The following SKI variants were observed in gnomAD, a reference collection of about 807,000 sequenced individuals.
SKI encodes the protein SKI proto-oncogene.
Under a neutral mutation model 59.3 loss-of-function variants are expected in SKI, and 23 were observed. The observed-to-expected ratio is 0.39, with a 90% CI of 0.28 to 0.55. The LOEUF is 0.55. SKI is among the 20% of genes least tolerant of loss of function. The pLI is 0.67. For synonymous variants in SKI, 673 were observed against 488.6 expected (o/e 1.38, Z -4.98); for missense variants, 1,017 against 1,038.9 (o/e 0.98, Z 0.29).
intron 1 of SKI, among the ~76,000 whole-genome samples, chr1:2,295,993 C>A (rs1640276210): frequency 6.6e-6 from 1 of 152,122 alleles, no homozygotes; most frequent in African/African-American, 2.4e-5. Context: ...CGAGGACCTG[C>A]CAGACTGTTT....
intron 1 of SKI, among the ~76,000 whole-genome samples, chr1:2,230,563 G>C (rs545751234): frequency 3.7e-4 from 56 of 152,306 alleles, no homozygotes; most frequent in Middle Eastern, 3.4e-3. Context: ...AGAGGGGTGC[G>C]CCGGAGAGGG....
Position 2,293,434 on chromosome 1 carries a change from C to CA in SKI, c.970-9544_970-9543insA, listed in dbSNP as rs199545809. On this transcript the variant is annotated intron_variant, in intron 1 of 6. Coordinates refer to ENST00000378536, the MANE Select transcript of SKI (RefSeq NM_003036.4). ...ATGAGAAGCCAGGGCGAGGCCCCCC[C>CA]CCAACATCTGGAAGGTTCTCCTGCG... 8.2e-3 allele frequency among the ~76,000 whole-genome samples: 1,239 copies of CA among 151,808 alleles called. 9 individuals carry two copies. Among genetic ancestry groups the CA allele is most frequent in the African/African-American group, 0.028 (1,160 of 41,306 alleles).
In SKI at chr1:2,307,806, C is replaced by A. The variant is rs1350520914; in HGVS notation, c.*1041C>A. 1 of 152,528 alleles carries A rather than the reference C, an allele frequency of 6.6e-6. No individual in the cohort carries two copies. Among genetic ancestry groups the A allele is most frequent in the Non-Finnish European group, 1.5e-5 (1 of 68,030 alleles). 9.4% of individuals were successfully genotyped at this position (152,528 alleles called of 1,614,324 possible). A position where few individuals can be genotyped will look rare whatever the true frequency, so the allele number is the denominator to read the frequency against. ...CTGAGGTTTTTACCGATTTATAGAG[C>A]AGTCAAATCCGAAGTGCTCGAGTGC... On this transcript the variant is annotated 3_prime_UTR_variant, in exon 7 of 7. Coordinates refer to ENST00000378536, the MANE Select transcript of SKI (RefSeq NM_003036.4).
At chr1:2,251,802 C>A (rs188443081) in intron 1 of SKI, among the ~76,000 whole-genome samples, 1 of 152,344 alleles carries the variant, frequency 6.6e-6, no homozygotes, top group East Asian at 1.9e-4. Context: ...TCGTGAATGT[C>A]GACCATTTTC....
rs145791795 is a variant in SKI, at chr1:2,251,484, G to A, written c.969+21749G>A. On this transcript the variant is annotated intron_variant, in intron 1 of 6. Transcript: ENST00000378536. ...GGCAGGGTTTTCCCAGCTCTCAAGC[G>A]CCCTCACGTCCCACCACAGTGACGT... Among the ~76,000 whole-genome samples the A allele has an allele frequency of 4.6e-3, 704 of 152,210 alleles. 3 individuals carry two copies. Among genetic ancestry groups the A allele is most frequent in the South Asian group, 0.021 (102 of 4,822 alleles).
chr1:2,234,777 TAA>T (rs1004226788), intron 1 of SKI, among the ~76,000 whole-genome samples: 14 of 152,258 alleles, frequency 9.2e-5, no homozygotes, highest in African/African-American at 3.4e-4. Context: ...GAAATGTTTT[TAA>T]AAAGTTTCTT....
chr1:2,261,482 G>T (rs554606050), intron 1 of SKI, among the ~76,000 whole-genome samples: 67 of 152,296 alleles, frequency 4.4e-4, no homozygotes, highest in African/African-American at 1.5e-3. Context: ...TCTTTTGTCA[G>T]ATTTATTGAT....
rs1042282913 is a variant in SKI, at chr1:2,268,659, C to T, written c.970-34319C>T. On this transcript the variant is annotated intron_variant, in intron 1 of 6. Coordinates refer to ENST00000378536, the MANE Select transcript of SKI (RefSeq NM_003036.4). The surrounding 1 kb of genome is among the most constrained non-coding windows in gnomAD (Gnocchi z 5.0). ...AGTTTCACCCAATTTTCAGCTTTGA[C>T]GGAGAAATGAGGCTTGGAGTCTTTT... Among the ~76,000 whole-genome samples the T allele has an allele frequency of 3.3e-5, 5 of 152,150 alleles. No homozygotes were observed. Among genetic ancestry groups the T allele is most frequent in the Admixed American group, 6.5e-5 (1 of 15,278 alleles).
chr1:2,255,380 G>A (rs908985653), intron 1 of SKI, among the ~76,000 whole-genome samples: 3 of 152,242 alleles, frequency 2.0e-5, no homozygotes, highest in Non-Finnish European at 2.9e-5. Context: ...ATATGACTGA[G>A]TGGTGTCTTC....
At position 2,260,378 on chromosome 1, in the gene SKI, G is replaced by A. The variant is rs1294931452; in HGVS notation, c.969+30643G>A. On this transcript the variant is annotated intron_variant, in intron 1 of 6. Transcript: ENST00000378536. ...GGGTTTGTTGTTTTACTGTTGACTCGTGAGATCTTTACGTATTCTGGATGC... is the reference window on the plus strand; with the variant it reads ...GGGTTTGTTGTTTTACTGTTGACTCATGAGATCTTTACGTATTCTGGATGC... Among the ~76,000 whole-genome samples, 10 of 152,050 alleles carry A rather than the reference G, an allele frequency of 6.6e-5. No homozygotes were observed. In the South Asian group the frequency reaches 1.9e-3, roughly 28 times the overall value.
intron 1 of SKI, among the ~76,000 whole-genome samples, chr1:2,301,031 G>A (rs571030121): frequency 2.6e-5 from 4 of 152,176 alleles, no homozygotes; most frequent in Admixed American, 1.3e-4. Context: ...TGAGTCTCCC[G>A]GAGTCAGCGC....
Position 2,296,351 on chromosome 1 carries a change from G to A in SKI, c.970-6627G>A, listed in dbSNP as rs1640284341. Among the ~76,000 whole-genome samples the A allele has an allele frequency of 2.0e-5, 3 of 152,116 alleles. 1 individual carries two copies. In the South Asian group the frequency reaches 6.2e-4, roughly 31 times the overall value. The stretch of plus-strand genomic sequence containing the variant: ...GTTGAGGCTGCAGTGAGCTGAGATC[G>A]TGCCACTACACTCCAGCCTGGGTGA... On this transcript the variant is annotated intron_variant, in intron 1 of 6. Transcript: ENST00000378536.
chr1:2,237,982 C>T (rs1456498950), intron 1 of SKI, among the ~76,000 whole-genome samples: 1 of 152,234 alleles, frequency 6.6e-6, no homozygotes, highest in Admixed American at 6.5e-5. Context: ...TGGCGGGCGT[C>T]TCTCCCCGGT....
chr1:2,246,035 G>A (rs756925819), intron 1 of SKI, among the ~76,000 whole-genome samples: 5 of 150,866 alleles, frequency 3.3e-5, no homozygotes, highest in Admixed American at 6.6e-5. Context: ...GCCTCAAGCC[G>A]TCATCCCGCC....
At chr1:2,282,712 C>A (rs1639920804) in intron 1 of SKI, among the ~76,000 whole-genome samples, 1 of 152,180 alleles carries the variant, frequency 6.6e-6, no homozygotes, top group Admixed American at 6.5e-5. Flanking sequence ...CCTTTACCCC[C>A]ACCCAGGAAA....
intron 1 of SKI, among the ~76,000 whole-genome samples, chr1:2,292,052 G>C (rs1640173583): frequency 6.6e-6 from 1 of 152,208 alleles, no homozygotes; most frequent in Non-Finnish European, 1.5e-5. Context: ...CTTGAACCGT[G>C]AAATCTTCAG....
chr1:2,279,773 C>T (rs184296059), intron 1 of SKI, among the ~76,000 whole-genome samples: 138 of 152,222 alleles, frequency 9.1e-4, no homozygotes, highest in African/African-American at 2.6e-3. Context: ...GGAGTGCAGT[C>T]GTGTGATTGG....
At chr1:2,248,849 T>C (rs528425476) in intron 1 of SKI, among the ~76,000 whole-genome samples, 2 of 152,370 alleles carry the variant, frequency 1.3e-5, no homozygotes, top group East Asian at 1.9e-4. Flanking sequence ...ATGGCTGGGC[T>C]ACCTTCCTAC....
intron 6 of SKI, 117 bp from the exon 7 acceptor site, chr1:2,306,460 C>A: frequency 8.8e-7 from 1 of 1,139,642 alleles, no homozygotes; most frequent in Non-Finnish European, 1.2e-6. Context: ...GAGGAGGGGC[C>A]GGCACGCGGC....
Sources: allele counts gnomAD v4.1 joint callset (sites outside exome capture counted in the v4.1 genomes callset), GRCh38; gene constraint gnomAD v4.1.1; non-coding constraint Gnocchi (gnomAD v3.1); transcripts MANE v1.5; gene names NCBI Gene and HGNC (gene_info 2026-07-23, HGNC 2026-07-21).